NCAM1: variants seen among roughly 807,000 people sequenced by gnomAD.
NCAM1 encodes the protein antigen recognized by monoclonal antibody 5.1H11.
Under a neutral mutation model 109.8 loss-of-function variants are expected in NCAM1, and 14 were observed. That is an observed-to-expected ratio of 0.13 (90% confidence interval 0.08 to 0.20). The LOEUF (loss-of-function observed/expected upper bound fraction) is 0.20, where lower values mean the gene tolerates loss of function less well. Among genes scored for constraint, NCAM1 ranks in the 10% least tolerant of loss-of-function variants. The pLI is 1.00. For missense variants in NCAM1, 774 were observed against 1,109.9 expected (o/e 0.70, Z 4.30); for synonymous variants, 418 against 442.9 (o/e 0.94, Z 0.70).
At chr11:113,000,817 C>CATATATATATATATATATATATATAT (rs375984527) in intron 1 of NCAM1, among the ~76,000 whole-genome samples, 2 of 129,456 alleles carry the variant, frequency 1.5e-5, no homozygotes, top group African/African-American at 3.2e-5. Context: ...ATTATATATA[C>CATATATATATATATATATATATATAT]ATATATATAT....
At chr11:113,008,888 G>GC (rs782105711) in intron 1 of NCAM1, among the ~76,000 whole-genome samples, 1 of 152,164 alleles carries the variant, frequency 6.6e-6, no homozygotes, top group Non-Finnish European at 1.5e-5. Flanking sequence ...GCTCAGTATG[G>GC]CCCACTGAGC....
intron 1 of NCAM1, among the ~76,000 whole-genome samples, chr11:113,189,624 C>T (rs1943616154): frequency 6.6e-6 from 1 of 151,968 alleles, no homozygotes; most frequent in Admixed American, 6.6e-5. Context: ...TGATTTTAGT[C>T]CTTGAACATC....
intron 1 of NCAM1, among the ~76,000 whole-genome samples, chr11:113,067,629 C>T (rs1222965543): frequency 6.6e-6 from 1 of 152,216 alleles, no homozygotes; most frequent in East Asian, 1.9e-4. Flanking sequence ...ACTAGTTCTA[C>T]CACCTGTAAC....
At chr11:113,262,066 G>A (rs1354320629) in intron 17 of NCAM1, among the ~76,000 whole-genome samples, 1 of 152,176 alleles carries the variant, frequency 6.6e-6, no homozygotes, top group Non-Finnish European at 1.5e-5. Flanking sequence ...AGAAGGTGGT[G>A]GCTGTGTTCT....
chr11:113,151,028 A>G (rs1363363449), intron 1 of NCAM1, among the ~76,000 whole-genome samples: 1 of 152,178 alleles, frequency 6.6e-6, no homozygotes, highest in East Asian at 1.9e-4. Flanking sequence ...GGAGCAGGAT[A>G]TGGCCAGTGA....
chr11:113,054,338 CCAGGG>C (rs1565407968), intron 1 of NCAM1, among the ~76,000 whole-genome samples: 1 of 152,120 alleles, frequency 6.6e-6, no homozygotes, highest in African/African-American at 2.4e-5. Context: ...CAGTATAGTG[CCAGGG>C]CTGGTGTGTT....
chr11:112,974,061 G>T (rs557480341), intron 1 of NCAM1, among the ~76,000 whole-genome samples: 1 of 152,006 alleles, frequency 6.6e-6, no homozygotes, highest in Non-Finnish European at 1.5e-5. Flanking sequence ...TTTAAATAAT[G>T]GTTGCTGCTA....
chr11:113,132,122 ACT>A (rs1417553292), intron 1 of NCAM1, among the ~76,000 whole-genome samples: 1 of 152,116 alleles, frequency 6.6e-6, no homozygotes, highest in African/African-American at 2.4e-5. Flanking sequence ...CTGTGTGGAC[ACT>A]GTTTTAGCTT....
rs542731851 is a variant in NCAM1 at position 113,082,695 on chromosome 11, A to G, written c.53-119684A>G. Among the ~76,000 whole-genome samples, 3 of 152,362 alleles carry G rather than the reference A, an allele frequency of 2.0e-5. No homozygotes were observed. In the South Asian group the frequency reaches 6.2e-4, roughly 32 times the overall value. On this transcript the variant is annotated intron_variant, in intron 1 of 19. Coordinates refer to ENST00000316851, the MANE Select transcript of NCAM1 (RefSeq NM_181351.5). ...TGGACGCTCTGAGCGTGCTTGACACATCTATGACTGAACGCAGGACAATGC... is the reference window on the plus strand; with the variant it reads ...TGGACGCTCTGAGCGTGCTTGACACGTCTATGACTGAACGCAGGACAATGC...
chr11:113,043,755 A>G (rs1256109635), intron 1 of NCAM1, among the ~76,000 whole-genome samples: 4 of 152,134 alleles, frequency 2.6e-5, no homozygotes, highest in African/African-American at 9.7e-5. Context: ...TGCCGTGAGC[A>G]TGTCCAGCTT....
intron 19 of NCAM1, chr11:113,272,937 C>T: frequency 2.2e-6 from 1 of 456,824 alleles, no homozygotes; most frequent in South Asian, 1.5e-5. Context: ...CCACAGGCTG[C>T]CTGCCGACAC....
intron 1 of NCAM1, among the ~76,000 whole-genome samples, chr11:113,096,182 C>T (rs990812991): frequency 6.6e-6 from 1 of 152,168 alleles, no homozygotes; most frequent in South Asian, 2.1e-4. Flanking sequence ...TGGGCACTTA[C>T]CTAACAACTC....
At chr11:112,996,870 G>A (rs1489628304) in intron 1 of NCAM1, among the ~76,000 whole-genome samples, 1 of 152,200 alleles carries the variant, frequency 6.6e-6, no homozygotes, top group Non-Finnish European at 1.5e-5. Context: ...TCATCATACA[G>A]TGGTTTTCTA....
chr11:113,136,370 G>T (rs1555099452), intron 1 of NCAM1, among the ~76,000 whole-genome samples: 3 of 152,162 alleles, frequency 2.0e-5, no homozygotes, highest in South Asian at 2.1e-4. Context: ...TTGGGCTGTG[G>T]GGTGGGCGAG....
At chr11:113,008,866 A>G (rs1203713870) in intron 1 of NCAM1, among the ~76,000 whole-genome samples, 2 of 152,192 alleles carry the variant, frequency 1.3e-5, no homozygotes, top group African/African-American at 4.8e-5. Flanking sequence ...ACACAACATC[A>G]GCAGTATCTG....
At chr11:113,262,717 C>G (rs1555123611) in intron 17 of NCAM1, 4 of 1,023,410 alleles carry the variant, frequency 3.9e-6, no homozygotes, top group Non-Finnish European at 5.6e-6. Flanking sequence ...CCCTTTCCTT[C>G]TGTCCCCCTC....
At chr11:113,120,155 T>G (rs1280281563) in intron 1 of NCAM1, among the ~76,000 whole-genome samples, 1 of 152,218 alleles carries the variant, frequency 6.6e-6, no homozygotes, top group Admixed American at 6.5e-5. Context: ...GAAAAGGCAT[T>G]TTACAGAAAC....
At chr11:113,099,904 T>A (rs1330592662) in intron 1 of NCAM1, among the ~76,000 whole-genome samples, 1 of 152,082 alleles carries the variant, frequency 6.6e-6, no homozygotes, top group Non-Finnish European at 1.5e-5. Context: ...GGCCAGGCTG[T>A]TCTCAAACTC....
chr11:113,212,985 G>T (rs1464875922), intron 7 of NCAM1, among the ~76,000 whole-genome samples: 2 of 152,174 alleles, frequency 1.3e-5, no homozygotes, highest in African/African-American at 2.4e-5. Context: ...TGCTAAACAG[G>T]CTGTCAGTAT....
Sources: gnomAD v4.1 joint callset for allele counts (sites outside exome capture counted in the v4.1 genomes callset) on GRCh38, gnomAD v4.1.1 for gene constraint, MANE v1.5 for transcripts, NCBI Gene and HGNC (gene_info 2026-07-23, HGNC 2026-07-21) for gene names.